The following LOC128462377 variants were observed in gnomAD, a reference collection of about 807,000 sequenced individuals.
the LOC128462377 span, among the ~76,000 whole-genome samples, chr16:89,383,481 T>C: frequency 6.6e-6 from 1 of 152,186 alleles, no homozygotes; most frequent in Non-Finnish European, 1.5e-5. Context: ...TTCTGTCTCA[T>C]TCAAAACCTC....
the LOC128462377 span, among the ~76,000 whole-genome samples, chr16:89,371,353 C>T: frequency 1.3e-5 from 2 of 152,194 alleles, no homozygotes; most frequent in African/African-American, 4.8e-5. Flanking sequence ...CGCCAGTGTC[C>T]ATTCTACCAT....
At chr16:89,403,914 A>T in the LOC128462377 span, among the ~76,000 whole-genome samples, 1 of 152,280 alleles carries the variant, frequency 6.6e-6, no homozygotes, top group East Asian at 1.9e-4. Context: ...ACAAAGCAAG[A>T]CTTGTCTCTT....
At chr16:89,410,542 G>A in the LOC128462377 span, among the ~76,000 whole-genome samples, 1 of 152,112 alleles carries the variant, frequency 6.6e-6, no homozygotes, top group Non-Finnish European at 1.5e-5. Flanking sequence ...GGGCTACAAA[G>A]GCCACCCTCT....
At chr16:89,398,436 A>G in the LOC128462377 span, among the ~76,000 whole-genome samples, 92 of 131,148 alleles carry the variant, frequency 7.0e-4, 7 homozygotes, top group African/African-American at 2.8e-3. Context: ...CAAGAGGGAC[A>G]CTGTGAAACA....
chr16:89,328,164 C>T, the LOC128462377 span, among the ~76,000 whole-genome samples: 8 of 152,198 alleles, frequency 5.3e-5, no homozygotes, highest in Non-Finnish European at 7.3e-5. Context: ...TATTACTGCA[C>T]ACCAATCGGA....
At chr16:89,415,829 C>CAAAAAAAAAAAAAACAAAAA in the LOC128462377 span, among the ~76,000 whole-genome samples, 1 of 39,744 alleles carries the variant, frequency 2.5e-5, no homozygotes, top group Admixed American at 3.4e-4. Flanking sequence ...GACTCTGTCT[C>CAAAAAAAAAAAAAACAAAAA]AAAAAAAAAA....
At chr16:89,342,729 TA>T in the LOC128462377 span, among the ~76,000 whole-genome samples, 1 of 152,250 alleles carries the variant, frequency 6.6e-6, no homozygotes, top group East Asian at 1.9e-4. Flanking sequence ...TACTTCTCAC[TA>T]TAGTCCTCAT....
the LOC128462377 span, among the ~76,000 whole-genome samples, chr16:89,365,102 G>T: frequency 6.6e-6 from 1 of 152,150 alleles, no homozygotes. Context: ...AAAGTGACAA[G>T]ACTCTCCTTC....
the LOC128462377 span, among the ~76,000 whole-genome samples, chr16:89,387,379 A>G: frequency 2.0e-5 from 3 of 152,266 alleles, no homozygotes; most frequent in Middle Eastern, 6.8e-3. Context: ...GTTTCTATTA[A>G]GACTGTGCTT....
At chr16:89,323,954 G>A in the LOC128462377 span, 4 of 220,444 alleles carry the variant, frequency 1.8e-5, no homozygotes, top group South Asian at 2.3e-4. Flanking sequence ...GAATGTTTGT[G>A]TCGGCCCCTC....
chr16:89,389,622 G>C, the LOC128462377 span, among the ~76,000 whole-genome samples: 1 of 152,202 alleles, frequency 6.6e-6, no homozygotes, highest in Non-Finnish European at 1.5e-5. Flanking sequence ...ATTCACAGAA[G>C]AACAGGCATT....
chr16:89,378,542 T>G, the LOC128462377 span, among the ~76,000 whole-genome samples: 6 of 152,220 alleles, frequency 3.9e-5, 1 homozygote, highest in African/African-American at 1.4e-4. Flanking sequence ...ATGTACGTGC[T>G]ATAAGGCTAC....
chr16:89,406,233 G>C, the LOC128462377 span, among the ~76,000 whole-genome samples: 9 of 152,276 alleles, frequency 5.9e-5, no homozygotes, highest in South Asian at 1.9e-3. Flanking sequence ...GTGAGCAAGG[G>C]GCTCTCTGAG....
chr16:89,384,879 CTTTTTTTTTTTTTTTT>C, the LOC128462377 span, among the ~76,000 whole-genome samples: 3 of 49,910 alleles, frequency 6.0e-5, no homozygotes, highest in African/African-American at 1.6e-4. Flanking sequence ...AAATAGTTTT[CTTTTTTTTTTTTTTTT>C]TTTTTTTTTT....
chr16:89,372,350 C>A, the LOC128462377 span, among the ~76,000 whole-genome samples: 25 of 152,222 alleles, frequency 1.6e-4, no homozygotes, highest in African/African-American at 6.0e-4. Flanking sequence ...CAGGGCCTGC[C>A]GCCGGTGTGG....
the LOC128462377 span, among the ~76,000 whole-genome samples, chr16:89,388,292 G>GCTTTTTTTT: frequency 4.9e-5 from 3 of 61,052 alleles, no homozygotes; most frequent in Non-Finnish European, 1.2e-4. Context: ...CCATGAGGCT[G>GCTTTTTTTT]ATTTTTTTTT....
chr16:89,319,259 G>A, the LOC128462377 span, among the ~76,000 whole-genome samples: 1 of 152,174 alleles, frequency 6.6e-6, no homozygotes, highest in African/African-American at 2.4e-5. Flanking sequence ...CCGACAGTGC[G>A]GGGCTTATCA....
chr16:89,397,429 G>A, the LOC128462377 span, among the ~76,000 whole-genome samples: 2 of 152,240 alleles, frequency 1.3e-5, no homozygotes, highest in South Asian at 2.1e-4. Flanking sequence ...GACTCCCAGC[G>A]CCGTACCACT....
chr16:89,387,133 G>C, the LOC128462377 span, among the ~76,000 whole-genome samples: 1 of 152,038 alleles, frequency 6.6e-6, no homozygotes, highest in Non-Finnish European at 1.5e-5. Context: ...GGGTGGGAGA[G>C]GTAGGTCACA....
Sources: allele counts gnomAD v4.1 joint callset (sites outside exome capture counted in the v4.1 genomes callset), GRCh38; gene constraint gnomAD v4.1.1; transcripts MANE v1.5.